Variants in SGCZ observed in about 807,000 individuals in gnomAD.
SGCZ encodes the protein zeta-sarcoglycan.
SGCZ carries 40 observed loss-of-function variants against 41.3 expected under a neutral mutation model. The ratio of observed to expected loss-of-function variants is 0.97; its 90% CI spans 0.75 to 1.26. SGCZ has a LOEUF of 1.26. SGCZ is among the 50% of genes most tolerant of loss of function. SGCZ has a pLI of 0.00. For missense variants in SGCZ, 552 were observed against 369.8 expected (o/e 1.49, Z -4.04); for synonymous variants, 206 against 137.5 (o/e 1.50, Z -3.49).
intron 2 of SGCZ, among the ~76,000 whole-genome samples, chr8:14,551,959 A>G (rs1292807979): frequency 6.6e-6 from 1 of 151,838 alleles, no homozygotes; most frequent in African/African-American, 2.4e-5. Context: ...TGATAAAAAT[A>G]ACATGCCCAG....
chr8:14,243,006 G>A (rs1209806856), intron 3 of SGCZ, among the ~76,000 whole-genome samples: 1 of 152,106 alleles, frequency 6.6e-6, no homozygotes, highest in Non-Finnish European at 1.5e-5. Context: ...CCTCTACTTT[G>A]CTGCTATCAT....
chr8:15,149,635 A>G (rs190358637), intron 1 of SGCZ, among the ~76,000 whole-genome samples: 3 of 150,822 alleles, frequency 2.0e-5, no homozygotes, highest in African/African-American at 7.3e-5. Context: ...AAGATTGAAA[A>G]TATTGAGAAT....
At chr8:14,245,725 C>G (rs900762051) in intron 3 of SGCZ, among the ~76,000 whole-genome samples, 6 of 152,112 alleles carry the variant, frequency 3.9e-5, no homozygotes, top group African/African-American at 1.2e-4. Flanking sequence ...CCAGAATCAA[C>G]AATGAACTCA....
intron 1 of SGCZ, among the ~76,000 whole-genome samples, chr8:15,070,774 T>A (rs1436161948): frequency 6.6e-6 from 1 of 152,210 alleles, no homozygotes; most frequent in Non-Finnish European, 1.5e-5. Flanking sequence ...AGTCTTCTAG[T>A]TGAATGAGTG....
chr8:14,276,834 T>C (rs1800253175), intron 3 of SGCZ, among the ~76,000 whole-genome samples: 2 of 152,252 alleles, frequency 1.3e-5, no homozygotes, highest in African/African-American at 2.4e-5. Context: ...GGAAATATCC[T>C]CTCCATAGGG....
intron 4 of SGCZ, among the ~76,000 whole-genome samples, chr8:14,234,481 G>A (rs553359014): frequency 1.2e-4 from 19 of 152,156 alleles, no homozygotes; most frequent in African/African-American, 4.3e-4. Flanking sequence ...TATGTTTTTA[G>A]AATTGACTAT....
intron 1 of SGCZ, among the ~76,000 whole-genome samples, chr8:15,004,073 A>G (rs1802517108): frequency 1.3e-5 from 2 of 152,150 alleles, no homozygotes; most frequent in Admixed American, 6.5e-5. Flanking sequence ...CTACATGTGA[A>G]CAGAGAGGAG....
chr8:14,108,680 T>G (rs1017883118), intron 5 of SGCZ, among the ~76,000 whole-genome samples: 4 of 152,002 alleles, frequency 2.6e-5, no homozygotes, highest in Non-Finnish European at 4.4e-5. Flanking sequence ...TAGATGAGAT[T>G]TGAGAGAGGA....
intron 1 of SGCZ, among the ~76,000 whole-genome samples, chr8:14,900,546 G>A (rs1307480487): frequency 6.6e-6 from 1 of 152,164 alleles, no homozygotes; most frequent in African/African-American, 2.4e-5. Context: ...CTGGGTCCAA[G>A]CTGAATGACA....
chr8:14,309,380 C>G, intron 3 of SGCZ: 2 of 1,605,150 alleles, frequency 1.2e-6, no homozygotes, highest in Non-Finnish European at 8.5e-7. Flanking sequence ...GAACAGTCAG[C>G]AGAGACGAAG....
At chr8:14,988,832 T>G (rs17574120) in intron 1 of SGCZ, among the ~76,000 whole-genome samples, 39,591 of 152,056 alleles carry the variant, frequency 0.26, 6,282 homozygotes, top group East Asian at 0.38. Context: ...GAGAGAAAAC[T>G]GCTACCCTCA....
intron 2 of SGCZ, among the ~76,000 whole-genome samples, chr8:14,427,553 T>G (rs1799822629): frequency 6.6e-6 from 1 of 152,076 alleles, no homozygotes; most frequent in Admixed American, 6.6e-5. Flanking sequence ...CCCAGGAGAT[T>G]AGAATCTTTG....
At chr8:14,914,566 C>T (rs773994047) in intron 1 of SGCZ, among the ~76,000 whole-genome samples, 3 of 151,986 alleles carry the variant, frequency 2.0e-5, no homozygotes, top group Admixed American at 2.0e-4. Context: ...TTATCAAGAG[C>T]GTTCTTTTAG....
chr8:14,476,028 G>A (rs1021657773), intron 2 of SGCZ, among the ~76,000 whole-genome samples: 30 of 151,482 alleles, frequency 2.0e-4, no homozygotes, highest in African/African-American at 7.3e-4. Flanking sequence ...GTTGATCTTG[G>A]CTCCTGGCCT....
At position 14,543,652 on chromosome 8, in the gene SGCZ, C is replaced by T. The variant is rs28561418; in HGVS notation, c.234+11080G>A. The stretch of plus-strand genomic sequence containing the variant: ...ATTTACTGTAAAAACTGAGGAATCA[C>T]GGATCCTACTTGGCCATCTTAGTTA... On this transcript the variant is annotated intron_variant, in intron 2 of 7. Coordinates refer to ENST00000382080, the MANE Select transcript of SGCZ (RefSeq NM_139167.4). Among the ~76,000 whole-genome samples, 1,265 of 152,142 alleles carry T rather than the reference C, an allele frequency of 8.3e-3. 13 individuals carry two copies. Among genetic ancestry groups the T allele is most frequent in the African/African-American group, 0.029 (1,195 of 41,510 alleles).
intron 1 of SGCZ, among the ~76,000 whole-genome samples, chr8:14,660,231 G>A (rs1245256101): frequency 6.6e-6 from 1 of 152,136 alleles, no homozygotes; most frequent in Non-Finnish European, 1.5e-5. Flanking sequence ...ACACTGTTCG[G>A]TGTATGAAGA....
At chr8:15,058,749 T>C (rs1274779509) in intron 1 of SGCZ, among the ~76,000 whole-genome samples, 1 of 152,198 alleles carries the variant, frequency 6.6e-6, no homozygotes, top group African/African-American at 2.4e-5. Flanking sequence ...TCCCATGTCT[T>C]CTTTTAAGAA....
intron 3 of SGCZ, chr8:14,309,674 A>G: frequency 3.7e-6 from 6 of 1,610,380 alleles, no homozygotes; most frequent in Non-Finnish European, 5.1e-6. Context: ...TTGTTGTTTA[A>G]GAAGACACCT....
chr8:14,770,276 C>G (rs1051639744), intron 1 of SGCZ, among the ~76,000 whole-genome samples: 1 of 151,534 alleles, frequency 6.6e-6, no homozygotes, highest in Admixed American at 6.6e-5. Flanking sequence ...ACAGACCCAT[C>G]TGAAAAATTA....
Sources: gnomAD v4.1 joint callset for allele counts (sites outside exome capture counted in the v4.1 genomes callset) on GRCh38, gnomAD v4.1.1 for gene constraint, MANE v1.5 for transcripts, NCBI Gene and HGNC (gene_info 2026-07-23, HGNC 2026-07-21) for gene names.